SH3PXD2A: variants seen among roughly 807,000 people sequenced by gnomAD.
SH3PXD2A encodes the protein SH3 and PX domain-containing protein 2A.
SH3PXD2A carries 32 observed loss-of-function variants against 115.2 expected under a neutral mutation model. That is an observed-to-expected ratio of 0.28 (90% CI 0.21 to 0.37). The LOEUF is 0.37. SH3PXD2A is among the 10% of genes least tolerant of loss of function. The probability of loss-of-function intolerance (pLI) is 1.00; values close to 1 mark genes in which losing one functional copy is unlikely to be tolerated. For missense variants in SH3PXD2A, 1,328 were observed against 1,498.7 expected, an observed-to-expected ratio of 0.89 and a Z score of 1.88; for synonymous variants, 610 against 629.1, an observed-to-expected ratio of 0.97 and a Z score of 0.45.
chr10:103,615,847 T>A (rs1441179045), intron 11 of SH3PXD2A, among the ~76,000 whole-genome samples: 1 of 152,124 alleles, frequency 6.6e-6, no homozygotes, highest in African/African-American at 2.4e-5. Context: ...TTTCCCATGT[T>A]CAACTCATGG....
chr10:103,704,923 C>T (rs1383677751), intron 5 of SH3PXD2A, among the ~76,000 whole-genome samples: 1 of 152,172 alleles, frequency 6.6e-6, no homozygotes, highest in Non-Finnish European at 1.5e-5. Context: ...GCCTTAGTTT[C>T]CCTGATTGGG....
At chr10:103,798,196 G>C (rs549310894) in intron 2 of SH3PXD2A, among the ~76,000 whole-genome samples, 1 of 152,320 alleles carries the variant, frequency 6.6e-6, no homozygotes, top group African/African-American at 2.4e-5. Flanking sequence ...GTCTATCAAA[G>C]GGGTCAAAGG....
At chr10:103,745,639 G>A (rs1047027288) in intron 3 of SH3PXD2A, among the ~76,000 whole-genome samples, 6 of 152,212 alleles carry the variant, frequency 3.9e-5, no homozygotes, top group Admixed American at 3.9e-4. Context: ...GGCCCTGCCT[G>A]TCTCCTTGCT....
At chr10:103,673,277 A>G (rs2037488220) in intron 6 of SH3PXD2A, 1 of 152,118 alleles carries the variant, frequency 6.6e-6, no homozygotes, top group African/African-American at 2.4e-5. Flanking sequence ...AATAATAATA[A>G]TAAAGGCTGG....
chr10:103,655,184 G>C (rs999978602), intron 8 of SH3PXD2A, among the ~76,000 whole-genome samples: 12 of 152,240 alleles, frequency 7.9e-5, no homozygotes, highest in African/African-American at 2.9e-4. Context: ...TGATGGCTGG[G>C]ACAGGACCTC....
chr10:103,661,502 C>T (rs1263540980), intron 7 of SH3PXD2A: 1 of 280,822 alleles, frequency 3.6e-6, no homozygotes, highest in Non-Finnish European at 5.4e-6. Flanking sequence ...GGGGTCTCTC[C>T]GGCCTCCCTC....
In SH3PXD2A at chr10:103,625,112, CA is replaced by C. The variant is rs1191586176; in HGVS notation, c.718+1976del. Among the ~76,000 whole-genome samples the C allele has an allele frequency of 3.3e-5, 5 of 152,364 alleles. No individual in the cohort carries two copies. The East Asian group carries it at 9.6e-4, about 29-fold the overall frequency. The stretch of plus-strand genomic sequence containing the variant: ...TGCCTGATTCTTCCTCCATCAAGGT[CA>C]AAATCCTGCCCAACCCACTACTACT... On this transcript the variant is annotated intron_variant, in intron 9 of 14. Transcript: ENST00000369774.
intron 2 of SH3PXD2A, among the ~76,000 whole-genome samples, chr10:103,777,671 C>T (rs1215915126): frequency 1.3e-5 from 2 of 152,218 alleles, no homozygotes; most frequent in African/African-American, 4.8e-5. Context: ...AGTACCGATG[C>T]CTGTCCCCAA....
rs549856493 is a variant in SH3PXD2A, at chr10:103,733,125, C to G, written c.306+2607G>C. On this transcript the variant is annotated intron_variant, in intron 4 of 14. Transcript: ENST00000369774. ...TAGATGGCTGTCTGCTTGGTGAGCC[C>G]ATGGCCCCATTCCTTGTCTGGCTCT... is the stretch of plus-strand genomic sequence containing the variant. 1.6e-4 allele frequency among the ~76,000 whole-genome samples: 25 copies of G among 152,234 alleles called. No individual in the cohort carries two copies. The South Asian group carries it at 5.0e-3, about 30-fold the overall frequency.
At chr10:103,631,044 C>A (rs7917478) in intron 8 of SH3PXD2A, among the ~76,000 whole-genome samples, 37,121 of 151,940 alleles carry the variant, frequency 0.24, 5,453 homozygotes, top group African/African-American at 0.41. Context: ...TTAACTTATA[C>A]ATTTAAGGCC....
chr10:103,737,739 G>A (rs1589435569), intron 3 of SH3PXD2A, among the ~76,000 whole-genome samples: 1 of 152,338 alleles, frequency 6.6e-6, no homozygotes, highest in African/African-American at 2.4e-5. Context: ...ACAAAGCCCT[G>A]AGGTAGAAGG....
At chr10:103,667,094 A>T (rs1431727314) in intron 7 of SH3PXD2A, among the ~76,000 whole-genome samples, 1 of 152,138 alleles carries the variant, frequency 6.6e-6, no homozygotes, top group East Asian at 1.9e-4. Flanking sequence ...TTCCTGTCTC[A>T]TATCTCAAAG....
rs1400193365 is a variant in SH3PXD2A at position 103,597,983 on chromosome 10, T to C, written c.*3833A>G. 1 of 152,422 alleles carries C rather than the reference T, an allele frequency of 6.6e-6. No individual in the cohort carries two copies. Among genetic ancestry groups the C allele is most frequent in the African/African-American group, 2.4e-5 (1 of 41,430 alleles). 9.4% of individuals were successfully genotyped at this position (152,422 alleles called of 1,614,324 possible). Reference sequence around the variant, plus strand: ...TCTGCAAACACTAGTAATAGGAAAATAATGCCTGACTGGAATTCCCTTGTC... The same window carrying C: ...TCTGCAAACACTAGTAATAGGAAAACAATGCCTGACTGGAATTCCCTTGTC... On this transcript the variant is annotated 3_prime_UTR_variant, in exon 15 of 15. Coordinates refer to ENST00000369774, the MANE Select transcript of SH3PXD2A (RefSeq NM_001394015.1).
intron 5 of SH3PXD2A, among the ~76,000 whole-genome samples, chr10:103,707,494 T>A (rs941951578): frequency 6.6e-6 from 1 of 152,118 alleles, no homozygotes; most frequent in African/African-American, 2.4e-5. Context: ...CGCGCCAGGC[T>A]GTATTTCAAT....
chr10:103,681,814 A>G (rs2037614162), intron 6 of SH3PXD2A, among the ~76,000 whole-genome samples: 1 of 152,052 alleles, frequency 6.6e-6, no homozygotes, highest in Non-Finnish European at 1.5e-5. Flanking sequence ...GGTGGCTCAT[A>G]TCTATAATCC....
Position 103,693,009 on chromosome 10 carries a change from C to G in SH3PXD2A, c.427+19G>C. 6.3e-7 allele frequency: 1 copy of G among 1,580,922 alleles called. No individual in the cohort carries two copies. The highest frequency in any genetic ancestry group is 8.6e-7 in the Non-Finnish European group (1 of 1,159,246). On this transcript the variant is annotated intron_variant, in intron 6 of 14. Coordinates refer to ENST00000369774, the MANE Select transcript of SH3PXD2A (RefSeq NM_001394015.1). ...GCGGGAAGGAAGGCTGAAGGGAAAA[C>G]GCCCGGAGGCTCCCTTACCTGATTT... is the stretch of plus-strand genomic sequence containing the variant.
intron 10 of SH3PXD2A, among the ~76,000 whole-genome samples, chr10:103,617,755 C>T (rs1429136184): frequency 2.0e-5 from 3 of 152,216 alleles, no homozygotes; most frequent in Admixed American, 6.5e-5. Context: ...TGCCCTGTTT[C>T]CATCTGTGTC....
intron 1 of SH3PXD2A, among the ~76,000 whole-genome samples, chr10:103,847,359 G>C (rs1323617895): frequency 1.3e-5 from 2 of 151,940 alleles, no homozygotes; most frequent in African/African-American, 4.8e-5. Flanking sequence ...TGTCACCCAG[G>C]CTGGAGTGCA....
chr10:103,744,349 C>T (rs1053807479), intron 3 of SH3PXD2A, among the ~76,000 whole-genome samples: 1 of 152,012 alleles, frequency 6.6e-6, no homozygotes, highest in African/African-American at 2.4e-5. Context: ...GATGGGGTTT[C>T]TCCATGTTGG....
Sources: allele counts gnomAD v4.1 joint callset (sites outside exome capture counted in the v4.1 genomes callset), GRCh38; gene constraint gnomAD v4.1.1; transcripts MANE v1.5; gene names NCBI Gene and HGNC (gene_info 2026-07-23, HGNC 2026-07-21).